Variants in FRMD4B observed in about 807,000 individuals in gnomAD.
FRMD4B encodes FERM domain containing 4B.
Under a neutral mutation model 141.5 loss-of-function variants are expected in FRMD4B, and 74 were observed. That is an observed-to-expected ratio of 0.52 (90% CI 0.43 to 0.63). The LOEUF (loss-of-function observed/expected upper bound fraction) is 0.63, where lower values mean the gene tolerates loss of function less well. Among genes scored for constraint, FRMD4B ranks in the 30% least tolerant of loss-of-function variants. The probability of loss-of-function intolerance (pLI) is 0.00; values close to 1 mark genes in which losing one functional copy is unlikely to be tolerated. For missense variants in FRMD4B, 1,366 were observed against 1,253.4 expected (o/e 1.09, Z -1.36); for synonymous variants, 506 against 467.9 (o/e 1.08, Z -1.05).
At chr3:69,181,827 G>C (rs542407367) in intron 20 of FRMD4B, 117 bp from the exon 21 acceptor site, 19 of 649,846 alleles carry the variant, frequency 2.9e-5, no homozygotes, top group Admixed American at 5.8e-5. Context: ...AGGACTTTGA[G>C]TTGCCAAAGC....
At chr3:69,333,301 T>A (rs1169599250) in intron 1 of FRMD4B, among the ~76,000 whole-genome samples, 1 of 152,234 alleles carries the variant, frequency 6.6e-6, no homozygotes, top group Non-Finnish European at 1.5e-5. Context: ...AAGGCTTTAG[T>A]GCACTGGAGC....
At chr3:69,230,478 G>A (rs1213490514) in intron 7 of FRMD4B, among the ~76,000 whole-genome samples, 1 of 151,974 alleles carries the variant, frequency 6.6e-6, no homozygotes, top group East Asian at 1.9e-4. Context: ...AGGCGTGGTG[G>A]CTCACACCTG....
At chr3:69,433,859 A>C (rs1472345463) in intron 1 of FRMD4B, among the ~76,000 whole-genome samples, 2 of 152,318 alleles carry the variant, frequency 1.3e-5, no homozygotes, top group Non-Finnish European at 2.9e-5. Flanking sequence ...CTTGGTCCTC[A>C]TGATCTCTCA....
At chr3:69,476,770 T>A (rs1427014123) in intron 1 of FRMD4B, among the ~76,000 whole-genome samples, 23 of 152,218 alleles carry the variant, frequency 1.5e-4, no homozygotes, top group Admixed American at 5.9e-4. Context: ...TGGGGATGGC[T>A]TTGAATCTAT....
intron 11 of FRMD4B, among the ~76,000 whole-genome samples, chr3:69,210,172 A>G (rs1046253835): frequency 6.6e-6 from 1 of 152,240 alleles, no homozygotes; most frequent in Non-Finnish European, 1.5e-5. Context: ...GATATAAGGC[A>G]AAAAGATACT....
At chr3:69,327,600 T>G (rs1430860502) in intron 1 of FRMD4B, among the ~76,000 whole-genome samples, 1 of 152,222 alleles carries the variant, frequency 6.6e-6, no homozygotes, top group Non-Finnish European at 1.5e-5. Flanking sequence ...GTCTCTTTAT[T>G]TTTTGTGACT....
intron 5 of FRMD4B, among the ~76,000 whole-genome samples, chr3:69,273,840 G>C (rs2093606012): frequency 6.7e-6 from 1 of 150,062 alleles, no homozygotes; most frequent in Non-Finnish European, 1.5e-5. Flanking sequence ...ATAATAGGAA[G>C]AATTAGAAGA....
At chr3:69,226,343 T>C (rs1485018266) in intron 7 of FRMD4B, among the ~76,000 whole-genome samples, 7 of 152,134 alleles carry the variant, frequency 4.6e-5, no homozygotes, top group Admixed American at 4.6e-4. Context: ...AATTCATTCA[T>C]ATTAAAGGTC....
intron 1 of FRMD4B, among the ~76,000 whole-genome samples, chr3:69,535,315 C>T (rs1701067958): frequency 6.6e-6 from 1 of 152,242 alleles, no homozygotes; most frequent in Non-Finnish European, 1.5e-5. Flanking sequence ...GTGGCAACCT[C>T]ACAACCAGTT....
chr3:69,497,007 C>A (rs1369891204), intron 1 of FRMD4B, among the ~76,000 whole-genome samples: 10 of 152,008 alleles, frequency 6.6e-5, no homozygotes, highest in Admixed American at 5.2e-4. Flanking sequence ...GAATACCTCT[C>A]GAACCCACTG....
intron 5 of FRMD4B, among the ~76,000 whole-genome samples, chr3:69,261,408 ACTG>A (rs2093526526): frequency 6.6e-6 from 1 of 152,206 alleles, no homozygotes; most frequent in South Asian, 2.1e-4. Context: ...CAGGATTATG[ACTG>A]CTTTTAGTGT....
At chr3:69,407,721 T>C (rs1290751943) in intron 2 of FRMD4B, among the ~76,000 whole-genome samples, 1 of 152,230 alleles carries the variant, frequency 6.6e-6, no homozygotes, top group African/African-American at 2.4e-5. Context: ...CGAGAAGGAT[T>C]CTAAGGCCCA....
intron 2 of FRMD4B, among the ~76,000 whole-genome samples, chr3:69,395,709 C>T (rs1704463760): frequency 6.6e-6 from 1 of 152,110 alleles, no homozygotes; most frequent in South Asian, 2.1e-4. Flanking sequence ...CTGTTCTCAA[C>T]TACAAAATGA....
chr3:69,329,516 ATTTTTT>A (rs10554375), intron 1 of FRMD4B, among the ~76,000 whole-genome samples: 3,174 of 55,218 alleles, frequency 0.057, 156 homozygotes, highest in African/African-American at 0.18. Flanking sequence ...TGCCCAGCTA[ATTTTTT>A]TTTTTTTTTT....
chr3:69,211,036 AAAAAG>A (rs1372017789), intron 11 of FRMD4B, among the ~76,000 whole-genome samples: 3 of 151,506 alleles, frequency 2.0e-5, no homozygotes, highest in East Asian at 3.9e-4. Flanking sequence ...AAAAAAAAAA[AAAAAG>A]AAAGAAAATT....
At chr3:69,329,863 C>A (rs1702310024) in intron 1 of FRMD4B, among the ~76,000 whole-genome samples, 1 of 151,942 alleles carries the variant, frequency 6.6e-6, no homozygotes, top group Non-Finnish European at 1.5e-5. Context: ...ATAATCTGTA[C>A]AATAAACCCC....
At chr3:69,399,365 T>C (rs1704522658) in intron 2 of FRMD4B, among the ~76,000 whole-genome samples, 1 of 152,222 alleles carries the variant, frequency 6.6e-6, no homozygotes, top group African/African-American at 2.4e-5. Flanking sequence ...TCTTATGTCC[T>C]TCCGAACAAG....
In FRMD4B at chr3:69,224,707, T is replaced by C. The variant is rs374252008; in HGVS notation, c.582-17A>G. 4.0e-4 allele frequency: 513 copies of C among 1,277,350 alleles called. No individual in the cohort carries two copies. Among genetic ancestry groups the C allele is most frequent in the Non-Finnish European group, 5.4e-4 (485 of 891,070 alleles). The allele number at this position is 1,277,350 out of a possible 1,614,324, so 79.1% of individuals were successfully genotyped here. A position where few individuals can be genotyped will look rare whatever the true frequency, so the allele number is the denominator to read the frequency against. On this transcript the variant is annotated splice_polypyrimidine_tract_variant and intron_variant, in intron 7 of 22. Coordinates refer to ENST00000398540, the MANE Select transcript of FRMD4B (RefSeq NM_015123.3). ...TTTTCATCACTAAAAAGAAATGGAA[T>C]ATGGTAATGTCAGGTACTGTTATCC...
At chr3:69,188,062 T>A in intron 18 of FRMD4B, 145 bp from the exon 19 acceptor site, 1 of 633,480 alleles carries the variant, frequency 1.6e-6, no homozygotes, top group East Asian at 2.8e-5. Context: ...AGAACATAAC[T>A]CTTTCAAGAA....
Sources: gnomAD v4.1 joint callset for allele counts (sites outside exome capture counted in the v4.1 genomes callset) on GRCh38, gnomAD v4.1.1 for gene constraint, MANE v1.5 for transcripts, NCBI Gene and HGNC (gene_info 2026-07-23, HGNC 2026-07-21) for gene names.